RSPRY1: variants seen among roughly 807,000 people sequenced by gnomAD.
RSPRY1 encodes the protein ring finger and SPRY domain containing 1, also known as RING finger and SPRY domain-containing protein 1.
A neutral mutation model predicts 73.1 loss-of-function variants in RSPRY1; 23 were observed. The ratio of observed to expected loss-of-function variants is 0.31; its 90% CI spans 0.23 to 0.45. The LOEUF (loss-of-function observed/expected upper bound fraction) is 0.45. RSPRY1 is among the 20% of genes least tolerant of loss of function. The probability of loss-of-function intolerance (pLI) is 1.00; values close to 1 mark genes in which losing one functional copy is unlikely to be tolerated. For missense variants in RSPRY1, 448 were observed against 698.7 expected (o/e 0.64, Z 4.05); for synonymous variants, 226 against 251.4 (o/e 0.90, Z 0.95).
chr16:57,225,083 C>CAG (rs56855576), intron 10 of RSPRY1, among the ~76,000 whole-genome samples: 13,809 of 152,242 alleles, frequency 0.091, 767 homozygotes, highest in East Asian at 0.23. Flanking sequence ...TGTTTTGAGA[C>CAG]AGTCTCGCTC....
chr16:57,220,874 C>A, intron 9 of RSPRY1, 27 bp downstream of exon 9: 1 of 1,479,890 alleles, frequency 6.8e-7, no homozygotes, highest in Non-Finnish European at 9.5e-7. Context: ...CAGTTGGACC[C>A]TTTGGGGGAT....
At chr16:57,201,556 G>T (rs1309483003) in intron 1 of RSPRY1, among the ~76,000 whole-genome samples, 2 of 152,128 alleles carry the variant, frequency 1.3e-5, no homozygotes, top group East Asian at 3.9e-4. Flanking sequence ...CAGACGGGGT[G>T]GCGGCCGGGC....
chr16:57,204,633 TA>T lies in RSPRY1; in HGVS notation c.-25del. Reference sequence around the variant, plus strand: ...CCTCAACTCCAGGTTATGAAAACAGTACTTGGAAAACTGAAAACTACCTAAA... The same window carrying T: ...CCTCAACTCCAGGTTATGAAAACAGTCTTGGAAAACTGAAAACTACCTAAA... On this transcript the variant is annotated 5_prime_UTR_variant, in exon 2 of 15. It introduces an in-frame stop codon into an upstream open reading frame of the 5' UTR. Transcript: ENST00000394420. 1 of 1,602,516 alleles carries T rather than the reference TA, an allele frequency of 6.2e-7. No individual in the cohort carries two copies. Among genetic ancestry groups the T allele is most frequent in the Non-Finnish European group, 8.5e-7 (1 of 1,171,722 alleles).
In RSPRY1 at chr16:57,228,867, A is replaced by G. The variant is rs866953724; in HGVS notation, c.1273+1414A>G. On this transcript the variant is annotated intron_variant, in intron 11 of 14. Transcript: ENST00000394420. ...ACCACCACGCCCGGCTAATTTTTGT[A>G]TTTTTTTGGTAGAGACAGGATTTTG... 3.3e-5 allele frequency among the ~76,000 whole-genome samples: 5 copies of G among 152,004 alleles called. No homozygotes were observed. The South Asian group carries it at 1.0e-3, about 32-fold the overall frequency.
At chr16:57,225,489 A>G (rs1366863819) in intron 10 of RSPRY1, among the ~76,000 whole-genome samples, 1 of 152,220 alleles carries the variant, frequency 6.6e-6, no homozygotes, top group East Asian at 1.9e-4. Context: ...TTGTAATCCA[A>G]AAATCCAGTA....
intron 10 of RSPRY1, among the ~76,000 whole-genome samples, chr16:57,226,810 G>A (rs1188066955): frequency 6.6e-6 from 1 of 152,062 alleles, no homozygotes; most frequent in African/African-American, 2.4e-5. Context: ...CTAACCTCTT[G>A]GGAATGCAGC....
In RSPRY1 at chr16:57,205,008, A is replaced by G. The variant is rs1303757523; in HGVS notation, c.350A>G (p.Asn117Ser). The G allele has an allele frequency of 3.1e-6, 5 of 1,606,900 alleles. No homozygotes were observed. Among genetic ancestry groups the G allele is most frequent in the Admixed American group, 1.7e-5 (1 of 59,596 alleles). The change falls in exon 2 of 15, where the codon AAT (asparagine) becomes AGT (serine). Residue 117 changes from asparagine to serine, a missense_variant and splice_region_variant. Asn to Ser is a conservative substitution (Grantham distance 46). Transcript: ENST00000394420. ...GCAGTAATACGGACTCTTGTAGATAAGTAAGTATCTGACTCACGGTCACCT... is the reference window on the plus strand; with the variant it reads ...GCAGTAATACGGACTCTTGTAGATAGGTAAGTATCTGACTCACGGTCACCT... Reference protein sequence around the residue: ...TLAVIRTLVDNDQEPPYSMIT... With the variant: ...TLAVIRTLVDSDQEPPYSMIT...
intron 8 of RSPRY1, among the ~76,000 whole-genome samples, chr16:57,218,425 A>G (rs1188989279): frequency 6.6e-6 from 1 of 152,184 alleles, no homozygotes. Context: ...GCTGTCAAAT[A>G]CTAGGTGTTC....
chr16:57,212,543 A>G (rs528425305), intron 4 of RSPRY1, among the ~76,000 whole-genome samples: 46 of 152,276 alleles, frequency 3.0e-4, no homozygotes, highest in Non-Finnish European at 6.2e-4. Flanking sequence ...GATATTTCCC[A>G]TCAATGATAT....
intron 10 of RSPRY1, among the ~76,000 whole-genome samples, chr16:57,225,270 A>G (rs2075103224): frequency 6.6e-6 from 1 of 152,230 alleles, no homozygotes; most frequent in South Asian, 2.1e-4. Flanking sequence ...CATGTTGGCC[A>G]GGCTGGTCTC....
At chr16:57,199,365 G>A (rs551369199) in intron 1 of RSPRY1, among the ~76,000 whole-genome samples, 11 of 152,172 alleles carry the variant, frequency 7.2e-5, no homozygotes, top group African/African-American at 1.2e-4. Flanking sequence ...GGTGGCGTGC[G>A]CCTGTAATCC....
At position 57,198,046 on chromosome 16, in the gene RSPRY1, T is replaced by A. The variant is rs114100456; in HGVS notation, c.-155-6458T>A. ...CATCCTATCAGATTTAGTCAGATTT[T>A]AAAAAAAAATCTGCGTGTATTGGAT... On this transcript the variant is annotated intron_variant, in intron 1 of 14. Coordinates refer to ENST00000394420, the MANE Select transcript of RSPRY1 (RefSeq NM_133368.3). Among the ~76,000 whole-genome samples the A allele has an allele frequency of 7.5e-3, 1,133 of 151,510 alleles. 13 individuals carry two copies. Among genetic ancestry groups the A allele is most frequent in the African/African-American group, 0.026 (1,066 of 41,354 alleles).
intron 1 of RSPRY1, among the ~76,000 whole-genome samples, chr16:57,191,971 C>T (rs1195287188): frequency 1.3e-5 from 2 of 152,124 alleles, no homozygotes; most frequent in Non-Finnish European, 2.9e-5. Context: ...GACCTTTTTC[C>T]GTCTTTCCTC....
intron 7 of RSPRY1, chr16:57,216,620 T>C: frequency 2.5e-6 from 1 of 393,392 alleles, no homozygotes; most frequent in Non-Finnish European, 4.7e-6. Context: ...CTTGGGATGC[T>C]GAGGCGGGGG....
At chr16:57,199,632 G>T (rs1305354134) in intron 1 of RSPRY1, among the ~76,000 whole-genome samples, 3 of 152,190 alleles carry the variant, frequency 2.0e-5, no homozygotes, top group Non-Finnish European at 4.4e-5. Context: ...CCATAGGCCT[G>T]TGCAGCATTT....
At chr16:57,216,372 T>A (rs1597900466) in intron 7 of RSPRY1, 199 bp downstream of exon 7, 5 of 506,922 alleles carry the variant, frequency 9.9e-6, no homozygotes, top group Middle Eastern at 4.1e-4. Context: ...GAATCAAAAC[T>A]TGGTAACCAT....
At chr16:57,189,653 G>A (rs1378263642) in intron 1 of RSPRY1, among the ~76,000 whole-genome samples, 2 of 140,926 alleles carry the variant, frequency 1.4e-5, no homozygotes, top group East Asian at 4.2e-4. Flanking sequence ...GTGCAGTGGT[G>A]CAATCACGGC....
At chr16:57,207,691 T>A (rs760322218) in intron 2 of RSPRY1, 6 of 463,612 alleles carry the variant, frequency 1.3e-5, no homozygotes, top group South Asian at 9.3e-5. Flanking sequence ...CTGAGGTAAG[T>A]ATGAAGGTGA....
chr16:57,212,828 T>G (rs1033130266), intron 4 of RSPRY1, 144 bp from the exon 5 acceptor site: 6 of 681,008 alleles, frequency 8.8e-6, no homozygotes, highest in Non-Finnish European at 1.4e-5. Flanking sequence ...TTGGCCAGGC[T>G]GGTGTCGAAC....
Sources: allele counts gnomAD v4.1 joint callset (sites outside exome capture counted in the v4.1 genomes callset), GRCh38; gene constraint gnomAD v4.1.1; transcripts MANE v1.5; gene names NCBI Gene and HGNC (gene_info 2026-07-23, HGNC 2026-07-21).